The following RBFOX1 variants were observed in gnomAD, a reference collection of about 807,000 sequenced individuals.
RBFOX1 encodes the protein RNA binding protein fox-1 homolog 1.
RBFOX1 carries 8 observed loss-of-function variants against 57.7 expected under a neutral mutation model. The ratio of observed to expected loss-of-function variants is 0.14; its 90% confidence interval spans 0.08 to 0.25. The LOEUF is 0.25. Among genes scored for constraint, RBFOX1 ranks in the 10% least tolerant of loss-of-function variants. The pLI is 1.00. For synonymous variants in RBFOX1, 326 were observed against 222.4 expected, an observed-to-expected ratio of 1.47 and a Z score of -4.15; for missense variants, 611 against 548.5, an observed-to-expected ratio of 1.11 and a Z score of -1.14.
intron 2 of RBFOX1, among the ~76,000 whole-genome samples, chr16:5,499,659 A>G (rs1032123219): frequency 2.0e-5 from 3 of 150,920 alleles, no homozygotes; most frequent in South Asian, 2.1e-4. Flanking sequence ...TGCAGTCTCC[A>G]TCTCCCGGGT....
chr16:5,333,575 C>T (rs17137845), intron 1 of RBFOX1, among the ~76,000 whole-genome samples: 3,757 of 152,246 alleles, frequency 0.025, 162 homozygotes, highest in African/African-American at 0.085. Context: ...CTACAGGGCC[C>T]GAGCTTCTCT....
intron 3 of RBFOX1, among the ~76,000 whole-genome samples, chr16:6,989,460 G>T (rs913357899): frequency 1.3e-5 from 2 of 152,090 alleles, no homozygotes; most frequent in African/African-American, 4.8e-5. Flanking sequence ...ATTGGTACCT[G>T]TAAGTTAATA....
intron 4 of RBFOX1, among the ~76,000 whole-genome samples, chr16:7,079,876 T>G (rs181663463): frequency 6.6e-6 from 1 of 152,000 alleles, no homozygotes; most frequent in African/African-American, 2.4e-5. Context: ...AGTGTAGAAT[T>G]CCAGTTTTGC....
intron 4 of RBFOX1, among the ~76,000 whole-genome samples, chr16:7,271,362 G>A (rs1001630689): frequency 7.3e-5 from 11 of 151,642 alleles, no homozygotes; most frequent in Admixed American, 3.3e-4. Flanking sequence ...GGGGGAGCTC[G>A]TATCAAACTC....
chr16:5,813,770 G>A (rs2151785913), intron 3 of RBFOX1, among the ~76,000 whole-genome samples: 1 of 152,258 alleles, frequency 6.6e-6, no homozygotes, highest in East Asian at 1.9e-4. Context: ...CTATTTGTTA[G>A]CTATTGAGAT....
rs1036667227 is a variant in RBFOX1, at chr16:5,748,854, C to A, written c.319-118449C>A. Among the ~76,000 whole-genome samples, 3 of 152,276 alleles carry A rather than the reference C, an allele frequency of 2.0e-5. No homozygotes were observed. In the East Asian group the frequency reaches 5.8e-4, roughly 29 times the overall value. On this transcript the variant is annotated intron_variant, in intron 3 of 19. Transcript: ENST00000641259. ...GCCAGTCTGTGTCTTTTAATTGGAG[C>A]ATTTAGCCCATTGACATTTAAGGTT...
intron 4 of RBFOX1, among the ~76,000 whole-genome samples, chr16:7,274,282 C>T (rs957334868): frequency 5.9e-5 from 9 of 152,192 alleles, no homozygotes; most frequent in Non-Finnish European, 1.3e-4. Flanking sequence ...TTAATCGTCA[C>T]AACAGCCTCA....
At chr16:5,500,698 G>C (rs565645182) in intron 2 of RBFOX1, among the ~76,000 whole-genome samples, 54 of 152,312 alleles carry the variant, frequency 3.5e-4, no homozygotes, top group Non-Finnish European at 6.9e-4. Context: ...GAATGCTTCA[G>C]ATATGGTCCC....
intron 1 of RBFOX1, among the ~76,000 whole-genome samples, chr16:6,145,248 C>A (rs1374619189): frequency 6.6e-6 from 1 of 152,122 alleles, no homozygotes; most frequent in Non-Finnish European, 1.5e-5. Flanking sequence ...CATGCATTCT[C>A]ATCATTTAGC....
chr16:5,483,438 A>G (rs1334784260), intron 2 of RBFOX1, among the ~76,000 whole-genome samples: 2 of 152,292 alleles, frequency 1.3e-5, no homozygotes, highest in East Asian at 3.9e-4. Flanking sequence ...CATCTGTAAG[A>G]TGGAAACTGG....
intron 4 of RBFOX1, among the ~76,000 whole-genome samples, chr16:5,918,968 T>C (rs903853550): frequency 2.1e-4 from 32 of 152,152 alleles, no homozygotes; most frequent in Admixed American, 2.0e-4. Context: ...GGGTGAACAG[T>C]GGACACAAGG....
chr16:5,421,762 C>T (rs2067334652), intron 1 of RBFOX1, among the ~76,000 whole-genome samples: 1 of 152,110 alleles, frequency 6.6e-6, no homozygotes, highest in African/African-American at 2.4e-5. Context: ...AAAGAATATG[C>T]AAATAACCCT....
chr16:6,399,390 C>G (rs1435020377), intron 2 of RBFOX1, among the ~76,000 whole-genome samples: 1 of 152,204 alleles, frequency 6.6e-6, no homozygotes, highest in Admixed American at 6.5e-5. Flanking sequence ...AATCATGTCT[C>G]TCAAGGTCAA....
chr16:7,304,541 C>T lies in RBFOX1; in HGVS notation c.28-213606C>T, dbSNP rs1603616040. On this transcript the variant is annotated intron_variant, in intron 4 of 15. Coordinates refer to ENST00000550418, the MANE Select transcript of RBFOX1 (RefSeq NM_018723.4). ...TTTCCTGGGGCTGGGCCAGATGGGT[C>T]CCCGCGCGTACTGGGCTGCGCTTCG... The T allele has an allele frequency of 2.2e-5, 22 of 985,176 alleles. 1 individual carries two copies. In the South Asian group the frequency reaches 1.0e-3, roughly 46 times the overall value. 61.0% of individuals were successfully genotyped at this position (985,176 alleles called of 1,614,324 possible). A position where few individuals can be genotyped will look rare whatever the true frequency, so the allele number is the denominator to read the frequency against.
intron 4 of RBFOX1, among the ~76,000 whole-genome samples, chr16:7,200,949 T>A (rs2033175511): frequency 6.6e-6 from 1 of 152,200 alleles, no homozygotes; most frequent in African/African-American, 2.4e-5. Flanking sequence ...TAAGATGGAA[T>A]ATGTAGCCCT....
At chr16:5,977,767 C>G (rs1393062198) in intron 4 of RBFOX1, among the ~76,000 whole-genome samples, 1 of 152,096 alleles carries the variant, frequency 6.6e-6, no homozygotes, top group Non-Finnish European at 1.5e-5. Context: ...AGGCAACTAG[C>G]CCACTGTCCC....
intron 2 of RBFOX1, among the ~76,000 whole-genome samples, chr16:6,449,371 A>T (rs1426590911): frequency 1.3e-5 from 2 of 152,220 alleles, no homozygotes; most frequent in Non-Finnish European, 2.9e-5. Flanking sequence ...TGTTGCAGGA[A>T]TTGCAGTGGC....
chr16:6,639,562 A>G (rs1344946302), intron 2 of RBFOX1, among the ~76,000 whole-genome samples: 2 of 152,224 alleles, frequency 1.3e-5, no homozygotes, highest in African/African-American at 2.4e-5. Flanking sequence ...CACAATAATA[A>G]TAAATACACA....
intron 3 of RBFOX1, among the ~76,000 whole-genome samples, chr16:6,698,722 C>T (rs1436746177): frequency 6.6e-6 from 1 of 152,130 alleles, no homozygotes; most frequent in African/African-American, 2.4e-5. Context: ...TCCTCCAAGC[C>T]GTTCTCAAAT....
Sources: allele counts gnomAD v4.1 joint callset (sites outside exome capture counted in the v4.1 genomes callset), GRCh38; gene constraint gnomAD v4.1.1; transcripts MANE v1.5; gene names NCBI Gene and HGNC (gene_info 2026-07-23, HGNC 2026-07-21).